Variants in ADGRB3 observed in about 807,000 individuals in gnomAD.
The protein encoded by ADGRB3 is adhesion G protein-coupled receptor B3.
A neutral mutation model predicts 193.4 loss-of-function variants in ADGRB3; 37 were observed. The ratio of observed to expected loss-of-function variants is 0.19; its 90% confidence interval spans 0.15 to 0.25. The LOEUF (loss-of-function observed/expected upper bound fraction) is 0.25. ADGRB3 is among the 10% of genes least tolerant of loss of function. The probability of loss-of-function intolerance (pLI) is 1.00; values close to 1 mark genes in which losing one functional copy is unlikely to be tolerated. For synonymous variants in ADGRB3, 690 were observed against 644.2 expected (o/e 1.07, Z -1.08); for missense variants, 1,637 against 1,852.9 (o/e 0.88, Z 2.14).
intron 20 of ADGRB3, among the ~76,000 whole-genome samples, chr6:69,268,929 G>A (rs769350577): frequency 6.6e-6 from 1 of 152,016 alleles, no homozygotes; most frequent in Non-Finnish European, 1.5e-5. Flanking sequence ...TGGTTCAAAT[G>A]TTTCACAAGT....
chr6:68,970,112 A>T (rs1227037600), intron 8 of ADGRB3, among the ~76,000 whole-genome samples: 1 of 152,004 alleles, frequency 6.6e-6, no homozygotes, highest in Non-Finnish European at 1.5e-5. Context: ...AGTTTTAATT[A>T]TATGTCACTT....
At position 68,936,696 on chromosome 6, in the gene ADGRB3, A is replaced by G. The variant is rs569413550; in HGVS notation, c.1030+16A>G. 9 of 1,603,986 alleles carry G rather than the reference A, an allele frequency of 5.6e-6. No individual in the cohort carries two copies. Among genetic ancestry groups the G allele is most frequent in the Non-Finnish European group, 6.8e-6 (8 of 1,173,622 alleles). ...CTCTGTCCAGGTAGTGTTAGCAGCA[A>G]CTACAACTGTGGATGTTATTGAATT... On this transcript the variant is annotated intron_variant, in intron 5 of 31. Transcript: ENST00000370598.
intron 17 of ADGRB3, among the ~76,000 whole-genome samples, chr6:69,180,635 C>T (rs1039790952): frequency 3.3e-5 from 5 of 152,186 alleles, no homozygotes; most frequent in Non-Finnish European, 7.3e-5. Flanking sequence ...TCCAGGTTGC[C>T]AAGCTGGCCG....
chr6:69,132,752 G>A (rs986124785), intron 17 of ADGRB3, among the ~76,000 whole-genome samples: 1 of 152,036 alleles, frequency 6.6e-6, no homozygotes, highest in Non-Finnish European at 1.5e-5. Context: ...GGTTTTTATG[G>A]TTTTAGGTCT....
At chr6:68,724,298 T>A (rs752419803) in intron 3 of ADGRB3, among the ~76,000 whole-genome samples, 2 of 151,692 alleles carry the variant, frequency 1.3e-5, no homozygotes, top group African/African-American at 2.4e-5. Flanking sequence ...AGAAACAGAC[T>A]TTAACTGTAA....
At chr6:68,642,895 T>C (rs1443621107) in intron 3 of ADGRB3, among the ~76,000 whole-genome samples, 1 of 152,160 alleles carries the variant, frequency 6.6e-6, no homozygotes, top group Non-Finnish European at 1.5e-5. Flanking sequence ...AAGTCATCTT[T>C]AATTGTCCTG....
At chr6:68,958,007 C>A (rs906152905) in intron 8 of ADGRB3, among the ~76,000 whole-genome samples, 4 of 151,956 alleles carry the variant, frequency 2.6e-5, no homozygotes, top group African/African-American at 9.7e-5. Context: ...TCGAGACCAG[C>A]CTGGCCAACG....
intron 20 of ADGRB3, among the ~76,000 whole-genome samples, chr6:69,288,573 A>C (rs1767601051): frequency 6.6e-6 from 1 of 152,130 alleles, no homozygotes; most frequent in Non-Finnish European, 1.5e-5. Context: ...ACTGAAATGA[A>C]ATTTTACTCA....
At chr6:68,687,071 A>T (rs953531903) in intron 3 of ADGRB3, among the ~76,000 whole-genome samples, 2 of 152,054 alleles carry the variant, frequency 1.3e-5, no homozygotes, top group Non-Finnish European at 2.9e-5. Context: ...TGGATCTTCT[A>T]TGTATCATAT....
At chr6:69,216,840 A>G (rs117789376) in intron 17 of ADGRB3, among the ~76,000 whole-genome samples, 1 of 152,282 alleles carries the variant, frequency 6.6e-6, no homozygotes, top group Non-Finnish European at 1.5e-5. Flanking sequence ...CTTCAGTGGA[A>G]TGATGAAATA....
At position 68,898,015 on chromosome 6, in the gene ADGRB3, TAGAG is replaced by T. The variant is rs1766288936; in HGVS notation, c.758-32537_758-32534del. ...TATATATAATAAAAATGTATATATA[TAGAG>T]AGAGAGGGAGAGACAGAGAGAGAGA... On this transcript the variant is annotated intron_variant, in intron 3 of 31. Coordinates refer to ENST00000370598, the MANE Select transcript of ADGRB3 (RefSeq NM_001704.3). 3.4e-5 allele frequency among the ~76,000 whole-genome samples: 5 copies of T among 147,080 alleles called. No homozygotes were observed. The South Asian group carries it at 8.4e-4, about 25-fold the overall frequency.
intron 10 of ADGRB3, among the ~76,000 whole-genome samples, chr6:68,989,118 A>G (rs1769161632): frequency 6.6e-6 from 1 of 152,206 alleles, no homozygotes; most frequent in Non-Finnish European, 1.5e-5. Flanking sequence ...GTTTACAATA[A>G]TTATAAATAT....
intron 17 of ADGRB3, among the ~76,000 whole-genome samples, chr6:69,154,742 A>C (rs182068091): frequency 1.3e-5 from 2 of 152,210 alleles, no homozygotes; most frequent in Non-Finnish European, 2.9e-5. Context: ...CAGTCTTCAC[A>C]CAATGCCTAC....
intron 23 of ADGRB3, 74 bp downstream of exon 23, chr6:69,330,646 C>A: frequency 7.9e-7 from 1 of 1,258,666 alleles, no homozygotes; most frequent in South Asian, 1.5e-5. Context: ...ATTAGAGTGG[C>A]AATTTTGATA....
intron 24 of ADGRB3, among the ~76,000 whole-genome samples, chr6:69,335,218 A>G (rs1295268855): frequency 6.6e-6 from 1 of 152,132 alleles, no homozygotes; most frequent in Non-Finnish European, 1.5e-5. Flanking sequence ...GCCCAGTTTA[A>G]TTCATATAGC....
intron 3 of ADGRB3, among the ~76,000 whole-genome samples, chr6:68,784,361 C>T (rs887657625): frequency 6.6e-6 from 1 of 152,062 alleles, no homozygotes; most frequent in Admixed American, 6.6e-5. Flanking sequence ...TTTCTATGCT[C>T]ACATATCACC....
intron 3 of ADGRB3, among the ~76,000 whole-genome samples, chr6:68,904,976 T>A (rs985274487): frequency 1.2e-4 from 19 of 152,214 alleles, no homozygotes; most frequent in African/African-American, 4.3e-4. Flanking sequence ...TGCAATTGAT[T>A]ATGTTACTTG....
chr6:69,055,761 T>G (rs1771526654), intron 15 of ADGRB3, among the ~76,000 whole-genome samples: 1 of 152,152 alleles, frequency 6.6e-6, no homozygotes, highest in African/African-American at 2.4e-5. Flanking sequence ...GGGTTCCAAT[T>G]TTCCCACATC....
intron 11 of ADGRB3, among the ~76,000 whole-genome samples, chr6:69,001,572 AGCGT>A (rs1437184969): frequency 1.3e-5 from 2 of 152,102 alleles, no homozygotes; most frequent in Non-Finnish European, 2.9e-5. Flanking sequence ...AAAAGAAGAG[AGCGT>A]GTCTTAGTGA....
Sources: allele counts gnomAD v4.1 joint callset (sites outside exome capture counted in the v4.1 genomes callset), GRCh38; gene constraint gnomAD v4.1.1; transcripts MANE v1.5; gene names NCBI Gene and HGNC (gene_info 2026-07-23, HGNC 2026-07-21).